Variants in HMGB1 observed in about 807,000 individuals in gnomAD.
HMGB1 encodes the protein high mobility group box 1, also known as high mobility group protein B1.
For missense variants in HMGB1, 79 were observed against 253.5 expected (o/e 0.31, Z 4.67); for synonymous variants, 81 against 84.0 (o/e 0.96, Z 0.19).
At position 30,519,693 on chromosome 13, in the gene HMGB1, CCAT is replaced by C. The variant is rs561649901; in HGVS notation, c.-14-56002_-14-56000del. On this transcript the variant is annotated intron_variant, in intron 1 of 4. Transcript: ENST00000405805. ...CCAGCCTGGGCGACAAAGCAAGACT[CCAT>C]CAATTAAAAAAAAAAAAATCAACAT... Among the ~76,000 whole-genome samples the C allele has an allele frequency of 4.4e-3, 452 of 103,200 alleles. 2 individuals are homozygous for C. Among genetic ancestry groups the C allele is most frequent in the African/African-American group, 0.014 (433 of 30,178 alleles). The allele number at this position is 103,200 out of a possible 152,430, so 67.7% of individuals were successfully genotyped here.
intron 1 of HMGB1, among the ~76,000 whole-genome samples, chr13:30,592,065 T>C (rs1871394141): frequency 6.6e-6 from 1 of 152,182 alleles, no homozygotes; most frequent in Non-Finnish European, 1.5e-5. Flanking sequence ...TTAGCTTATT[T>C]AGAATGTCCT....
chr13:30,589,007 C>CTT (rs1292576513), intron 1 of HMGB1, among the ~76,000 whole-genome samples: 13 of 141,712 alleles, frequency 9.2e-5, no homozygotes, highest in South Asian at 4.5e-4. Flanking sequence ...TAGTTTACCA[C>CTT]TTTTTTTTTT....
intron 1 of HMGB1, among the ~76,000 whole-genome samples, chr13:30,535,028 G>C (rs1449386748): frequency 1.3e-5 from 2 of 152,250 alleles, no homozygotes; most frequent in Non-Finnish European, 2.9e-5. Flanking sequence ...TAAGAGGCAA[G>C]AGATGCTTGA....
chr13:30,613,393 A>G (rs1460244114), intron 1 of HMGB1, among the ~76,000 whole-genome samples: 1 of 152,106 alleles, frequency 6.6e-6, no homozygotes, highest in Non-Finnish European at 1.5e-5. Flanking sequence ...TCAACCATAT[A>G]TTATTGGCAA....
rs148809861 is a variant in HMGB1, at chr13:30,588,072, T to C, written c.-15+28599A>G. 3.6e-3 allele frequency among the ~76,000 whole-genome samples: 542 copies of C among 152,340 alleles called. 2 individuals carry two copies. The highest frequency in any genetic ancestry group is 0.011 in the African/African-American group (460 of 41,584). On this transcript the variant is annotated intron_variant, in intron 1 of 4. Coordinates refer to the HMGB1 transcript ENST00000405805. ...TGCATGTCTGCCAGTCTATTTATCA[T>C]ATTATTTAAGAAACAAACATTTATT...
intron 1 of HMGB1, among the ~76,000 whole-genome samples, chr13:30,493,819 C>T (rs1008604340): frequency 2.6e-5 from 4 of 151,698 alleles, no homozygotes; most frequent in African/African-American, 9.7e-5. Flanking sequence ...AAAACAAAAA[C>T]TCTTTGAATT....
chr13:30,534,382 C>T (rs946624157), intron 1 of HMGB1, among the ~76,000 whole-genome samples: 10 of 152,182 alleles, frequency 6.6e-5, no homozygotes, highest in Non-Finnish European at 1.0e-4. Context: ...AAAATGGATG[C>T]GAGCACAATA....
At chr13:30,605,393 C>T (rs751807362) in intron 1 of HMGB1, among the ~76,000 whole-genome samples, 6 of 152,070 alleles carry the variant, frequency 3.9e-5, no homozygotes, top group Non-Finnish European at 7.4e-5. Context: ...AGAGGCACTC[C>T]GATGTTTAAA....
chr13:30,519,171 T>C (rs185360577), intron 1 of HMGB1, among the ~76,000 whole-genome samples: 2 of 151,646 alleles, frequency 1.3e-5, no homozygotes, highest in Non-Finnish European at 2.9e-5. Context: ...GGCGGGTGGA[T>C]CATTTGAGGC....
rs1344783542 is a variant in HMGB1 at position 30,463,819 on chromosome 13, G to A, written c.-14-125C>T. ...TAACACAGTAGCGACATCAACCTCC[G>A]TAAAATCAGACAAGAATATGGCCGA... is the stretch of plus-strand genomic sequence containing the variant. On this transcript the variant is annotated intron_variant, in intron 1 of 4. Transcript: ENST00000341423. 9.6e-6 allele frequency: 6 copies of A among 626,692 alleles called. No homozygotes were observed. In the Admixed American group the frequency reaches 1.9e-4, roughly 20 times the overall value. The allele number at this position is 626,692 out of a possible 1,614,324, so 38.8% of individuals were successfully genotyped here.
intron 1 of HMGB1, among the ~76,000 whole-genome samples, chr13:30,472,988 C>T (rs890225701): frequency 4.6e-5 from 7 of 151,996 alleles, no homozygotes; most frequent in Non-Finnish European, 5.9e-5. Flanking sequence ...ATGCACGGAC[C>T]TCTCATAGTC....
chr13:30,607,394 G>A (rs983793861), intron 1 of HMGB1, among the ~76,000 whole-genome samples: 4 of 152,208 alleles, frequency 2.6e-5, no homozygotes, highest in African/African-American at 9.7e-5. Flanking sequence ...TTGTGAAAGA[G>A]TTCTCCGATG....
At chr13:30,557,571 T>C (rs1415722425) in intron 1 of HMGB1, among the ~76,000 whole-genome samples, 2 of 152,204 alleles carry the variant, frequency 1.3e-5, no homozygotes. Context: ...CACTTACAGA[T>C]TCACCTTGTA....
chr13:30,497,571 C>T (rs1489571602), intron 1 of HMGB1, among the ~76,000 whole-genome samples: 2 of 151,928 alleles, frequency 1.3e-5, no homozygotes, highest in Non-Finnish European at 2.9e-5. Flanking sequence ...AGCATGGTGC[C>T]TGACGGGTAG....
chr13:30,482,090 C>G (rs1279175147), intron 1 of HMGB1, among the ~76,000 whole-genome samples: 1 of 152,110 alleles, frequency 6.6e-6, no homozygotes, highest in African/African-American at 2.4e-5. Context: ...TCGAGGTATT[C>G]TTAGTCTTAA....
intron 1 of HMGB1, among the ~76,000 whole-genome samples, chr13:30,601,745 CAAAAAAAAAAAAAAAAAAAAAAAAA>C (rs914063726): frequency 0.038 from 136 of 3,552 alleles, 15 homozygotes; most frequent in African/African-American, 0.064. Flanking sequence ...GACTCCGTCT[CAAAAAAAAAAAAAAAAAAAAAAAAA>C]AAAAAAAAAA....
At chr13:30,552,506 C>T (rs907371386) in intron 1 of HMGB1, among the ~76,000 whole-genome samples, 1 of 152,232 alleles carries the variant, frequency 6.6e-6, no homozygotes, top group Non-Finnish European at 1.5e-5. Flanking sequence ...CCCACACCCC[C>T]TCTCTGTCCA....
At chr13:30,510,432 G>A (rs1031034385) in intron 1 of HMGB1, among the ~76,000 whole-genome samples, 3 of 152,008 alleles carry the variant, frequency 2.0e-5, no homozygotes, top group Admixed American at 2.0e-4. Context: ...ACATAAAAGT[G>A]TTTTGCAAAG....
intron 1 of HMGB1, chr13:30,464,320 T>C: frequency 3.0e-6 from 3 of 985,374 alleles, no homozygotes; most frequent in Non-Finnish European, 3.6e-6. Context: ...TGTATTTCTG[T>C]TCTGACTAAA....
Sources: allele counts gnomAD v4.1 joint callset (sites outside exome capture counted in the v4.1 genomes callset), GRCh38; gene constraint gnomAD v4.1.1; transcripts MANE v1.5; gene names NCBI Gene and HGNC (gene_info 2026-07-23, HGNC 2026-07-21).